The following CAMTA1 variants were observed in gnomAD, a reference collection of about 807,000 sequenced individuals.
The protein encoded by CAMTA1 is calmodulin-binding transcription activator 1.
A neutral mutation model predicts 170.9 loss-of-function variants in CAMTA1; 27 were observed. That is an observed-to-expected ratio of 0.16 (90% confidence interval 0.12 to 0.22). The LOEUF is 0.22. Among genes scored for constraint, CAMTA1 ranks in the 10% least tolerant of loss-of-function variants. The pLI is 1.00. For missense variants in CAMTA1, 1,619 were observed against 2,217.2 expected, an observed-to-expected ratio of 0.73 and a Z score of 5.42; for synonymous variants, 833 against 891.5, an observed-to-expected ratio of 0.93 and a Z score of 1.17.
intron 11 of CAMTA1, among the ~76,000 whole-genome samples, chr1:7,729,124 CT>C (rs1199701791): frequency 4.2e-5 from 5 of 120,184 alleles, no homozygotes; most frequent in South Asian, 2.7e-4. Flanking sequence ...CTTTTTTTTT[CT>C]TTTTTTTTTG....
chr1:6,921,464 C>A (rs1253129706), intron 3 of CAMTA1, among the ~76,000 whole-genome samples: 1 of 152,186 alleles, frequency 6.6e-6, no homozygotes, highest in Non-Finnish European at 1.5e-5. Context: ...CTGAGCCCTC[C>A]AAACTGTTCC....
At chr1:6,941,426 A>G (rs1686599045) in intron 3 of CAMTA1, among the ~76,000 whole-genome samples, 1 of 152,192 alleles carries the variant, frequency 6.6e-6, no homozygotes, top group Non-Finnish European at 1.5e-5. Context: ...TTCATTGAGC[A>G]GCAAGGAAGC....
At chr1:6,790,382 G>GTGTGTA (rs907718466) in intron 1 of CAMTA1, among the ~76,000 whole-genome samples, 2 of 150,066 alleles carry the variant, frequency 1.3e-5, no homozygotes, top group Non-Finnish European at 3.0e-5. Flanking sequence ...GAGAGTGTGT[G>GTGTGTA]TGTGTGTGTG....
intron 4 of CAMTA1, among the ~76,000 whole-genome samples, chr1:7,183,354 T>C (rs1652606696): frequency 6.6e-6 from 1 of 152,164 alleles, no homozygotes; most frequent in Non-Finnish European, 1.5e-5. Context: ...TTGGGGACCA[T>C]ATTTCAACAT....
intron 5 of CAMTA1, chr1:7,441,382 C>T (rs11804955): frequency 0.087 from 13,184 of 152,076 alleles, 1,649 homozygotes; most frequent in African/African-American, 0.28. Context: ...GTCTGCTGTA[C>T]GCACCGCCCT....
chr1:7,219,542 T>TAAAAAA lies in CAMTA1; in HGVS notation c.303-29924_303-29919dup, dbSNP rs34288461. The TAAAAAA allele has an allele frequency of 2.0e-4, 13 of 65,278 alleles. 1 individual carries two copies. The highest frequency in any genetic ancestry group is 7.2e-4 in the African/African-American group (12 of 16,558). The allele number at this position is 65,278 out of a possible 1,614,324, so 4.0% of individuals were successfully genotyped here. On this transcript the variant is annotated intron_variant, in intron 4 of 22. Coordinates refer to ENST00000303635, the MANE Select transcript of CAMTA1 (RefSeq NM_015215.4). Reference sequence around the variant, plus strand: ...CTCTCCTGACATTTGAATTTTTTCTTAAAAAAAAAAAAAAAAAAAAAAAAA... The same window carrying TAAAAAA: ...CTCTCCTGACATTTGAATTTTTTCTTAAAAAAAAAAAAAAAAAAAAAAAAAAAAAAA...
chr1:7,056,779 A>G (rs1486199512), intron 3 of CAMTA1, among the ~76,000 whole-genome samples: 4 of 152,154 alleles, frequency 2.6e-5, no homozygotes, highest in Non-Finnish European at 4.4e-5. Flanking sequence ...CTGCTGGGAA[A>G]GTACCGAAGC....
intron 3 of CAMTA1, among the ~76,000 whole-genome samples, chr1:6,942,632 C>G (rs1686838005): frequency 6.6e-6 from 1 of 152,160 alleles, no homozygotes; most frequent in Non-Finnish European, 1.5e-5. Context: ...GCACTCCAGC[C>G]TGGGTGACAG....
chr1:7,009,079 A>G (rs1699419364), intron 3 of CAMTA1, among the ~76,000 whole-genome samples: 1 of 152,160 alleles, frequency 6.6e-6, no homozygotes, highest in East Asian at 1.9e-4. Flanking sequence ...TGGGGAGAGC[A>G]GTACCCTCAG....
At chr1:7,449,517 C>A (rs925096198) in intron 5 of CAMTA1, among the ~76,000 whole-genome samples, 6 of 152,080 alleles carry the variant, frequency 3.9e-5, no homozygotes, top group African/African-American at 9.7e-5. Flanking sequence ...GCCCTATAAT[C>A]CCAGCACTTT....
chr1:7,246,670 C>CT (rs34382670), intron 4 of CAMTA1, among the ~76,000 whole-genome samples: 6,902 of 73,738 alleles, frequency 0.094, 1,592 homozygotes, highest in African/African-American at 0.37. Flanking sequence ...CTCTGACCTG[C>CT]TTTTTTTTTT....
chr1:7,239,062 T>A (rs1664398077), intron 4 of CAMTA1, among the ~76,000 whole-genome samples: 1 of 152,214 alleles, frequency 6.6e-6, no homozygotes, highest in African/African-American at 2.4e-5. Context: ...TGAATTCTTC[T>A]TGTTATTATA....
At chr1:7,097,407 T>C (rs1642207696) in intron 4 of CAMTA1, among the ~76,000 whole-genome samples, 1 of 152,224 alleles carries the variant, frequency 6.6e-6, no homozygotes, top group African/African-American at 2.4e-5. Flanking sequence ...TAGACAGCCC[T>C]TGGGGTCCCG....
At chr1:6,941,413 G>A (rs1686595613) in intron 3 of CAMTA1, among the ~76,000 whole-genome samples, 2 of 152,284 alleles carry the variant, frequency 1.3e-5, no homozygotes, top group African/African-American at 4.8e-5. Flanking sequence ...AGGCACTGGG[G>A]TGTTCATTGA....
intron 5 of CAMTA1, among the ~76,000 whole-genome samples, chr1:7,260,532 G>T (rs1351844724): frequency 6.6e-6 from 1 of 152,202 alleles, no homozygotes; most frequent in African/African-American, 2.4e-5. Context: ...TTGTAGAGAG[G>T]GCAGGGCTAG....
At chr1:7,576,114 T>C (rs533096394) in intron 6 of CAMTA1, among the ~76,000 whole-genome samples, 20 of 152,232 alleles carry the variant, frequency 1.3e-4, no homozygotes, top group Non-Finnish European at 1.8e-4. Flanking sequence ...GTTCAAGCAA[T>C]TCTCCTGCCT....
At chr1:7,304,430 A>T (rs1675273737) in intron 5 of CAMTA1, among the ~76,000 whole-genome samples, 1 of 152,232 alleles carries the variant, frequency 6.6e-6, no homozygotes, top group African/African-American at 2.4e-5. Context: ...ACTATGTAAA[A>T]TAAATTATAG....
chr1:7,569,110 A>C lies in CAMTA1; in HGVS notation c.511-71290A>C, dbSNP rs573480813. ...CATCACCATCATCATCAGTGTCATC[A>C]TCACCACCATCACCATCTCCATCAT... is the stretch of plus-strand genomic sequence containing the variant. On this transcript the variant is annotated intron_variant, in intron 6 of 22. Transcript: ENST00000303635. Among the ~76,000 whole-genome samples, 383 of 151,444 alleles carry C rather than the reference A, an allele frequency of 2.5e-3. 1 individual carries two copies. Among genetic ancestry groups the C allele is most frequent in the African/African-American group, 8.9e-3 (369 of 41,234 alleles).
intron 11 of CAMTA1, among the ~76,000 whole-genome samples, chr1:7,715,854 T>TGA: frequency 6.6e-6 from 1 of 152,324 alleles, no homozygotes; most frequent in Admixed American, 6.5e-5. Context: ...GAAAGAATCC[T>TGA]CACAAGCATC....
Sources: allele counts gnomAD v4.1 joint callset (sites outside exome capture counted in the v4.1 genomes callset), GRCh38; gene constraint gnomAD v4.1.1; transcripts MANE v1.5; gene names NCBI Gene and HGNC (gene_info 2026-07-23, HGNC 2026-07-21).